WDR33: variants seen among roughly 807,000 people sequenced by gnomAD.
The protein encoded by WDR33 is WD repeat domain 33.
Under a neutral mutation model 164.9 loss-of-function variants are expected in WDR33, and 47 were observed. That is an observed-to-expected ratio of 0.29 (90% CI 0.23 to 0.36). WDR33 has a LOEUF of 0.36. Among genes scored for constraint, WDR33 ranks in the 10% least tolerant of loss-of-function variants. The pLI, the probability that WDR33 is intolerant of heterozygous loss-of-function variation, is 1.00. For missense variants in WDR33, 1,137 were observed against 1,754.1 expected (o/e 0.65, Z 6.28); for synonymous variants, 505 against 589.0 (o/e 0.86, Z 2.06).
chr2:127,714,605 G>A lies in WDR33; in HGVS notation c.2870-584C>T, dbSNP rs1573880707. On this transcript the variant is annotated intron_variant, in intron 17 of 21. Coordinates refer to ENST00000322313, the MANE Select transcript of WDR33 (RefSeq NM_018383.5). This position sits in a 1 kb window ranked among gnomAD's most constrained non-coding sequence, Gnocchi z 4.3. ...AGCCCTGCTGGGCTTCAGTGTCGGG[G>A]TTTTCTGCACCTCTCTATGGATGTT... 6.6e-6 allele frequency among the ~76,000 whole-genome samples: 1 copy of A among 152,154 alleles called. No individual in the cohort carries two copies. Among genetic ancestry groups the A allele is most frequent in the Admixed American group, 6.5e-5 (1 of 15,280 alleles).
At chr2:127,776,216 G>A (rs1325643710) in intron 1 of WDR33, among the ~76,000 whole-genome samples, 1 of 152,196 alleles carries the variant, frequency 6.6e-6, no homozygotes, top group Non-Finnish European at 1.5e-5. Context: ...TGAGGACAGA[G>A]AGAGAAGACA....
Position 127,701,493 on chromosome 2 carries a change from C to T in WDR33, c.*4830G>A, listed in dbSNP as rs1013428883. The T allele has an allele frequency of 4.7e-6, 6 of 1,273,316 alleles. No homozygotes were observed. Among genetic ancestry groups the T allele is most frequent in the Non-Finnish European group, 6.0e-6 (6 of 1,006,684 alleles). 78.9% of individuals were successfully genotyped at this position (1,273,316 alleles called of 1,614,324 possible). ...GCTTCAGCGGAGGGCCGGAAGTGAGCCGCAGCTTTTCCTTTCTGCCACCGC... is the reference window on the plus strand; with the variant it reads ...GCTTCAGCGGAGGGCCGGAAGTGAGTCGCAGCTTTTCCTTTCTGCCACCGC... On this transcript the variant is annotated 3_prime_UTR_variant, in exon 22 of 22. Coordinates refer to ENST00000322313, the MANE Select transcript of WDR33 (RefSeq NM_018383.5).
chr2:127,706,456 G>C lies in WDR33; in HGVS notation c.3878C>G (p.Pro1293Arg). ...GCCACTGCCTGGAGGGCCCCCAAAAGGTTCATCTCTGTGGTATCCATCGTG... is the reference window on the plus strand; with the variant it reads ...GCCACTGCCTGGAGGGCCCCCAAAACGTTCATCTCTGTGGTATCCATCGTG... ...EHHDGYHRDE[P>R]FGGPPGSGTP... is the part of the protein sequence containing the mutation. Residue 1293 changes from proline to arginine, a missense_variant, in exon 22 of 22, where the codon CCT (proline) becomes CGT (arginine). Physicochemically the swap from Pro to Arg is moderately radical, Grantham distance 103 (BLOSUM62 -2). Transcript: ENST00000322313. This position sits in a 1 kb window ranked among gnomAD's most constrained non-coding sequence, Gnocchi z 5.1. 1.2e-6 allele frequency: 2 copies of C among 1,613,374 alleles called. No individual in the cohort carries two copies. Among genetic ancestry groups the C allele is most frequent in the Non-Finnish European group, 1.7e-6 (2 of 1,179,710 alleles).
chr2:127,768,857 G>T, intron 3 of WDR33, 76 bp downstream of exon 3: 1 of 1,082,154 alleles, frequency 9.2e-7, no homozygotes, highest in Non-Finnish European at 1.4e-6. Context: ...TTTTGGACTT[G>T]AAGTCACACA....
intron 7 of WDR33, among the ~76,000 whole-genome samples, chr2:127,750,183 C>A (rs1020640824): frequency 6.6e-6 from 1 of 152,018 alleles, no homozygotes; most frequent in African/African-American, 2.4e-5. Flanking sequence ...CGCCACCACA[C>A]CCAGTTAACT....
At chr2:127,711,749 C>CAGAT (rs1553471002) in intron 18 of WDR33, among the ~76,000 whole-genome samples, 4 of 79,796 alleles carry the variant, frequency 5.0e-5, no homozygotes, top group African/African-American at 3.3e-4. Flanking sequence ...ACCACATATA[C>CAGAT]AGATATATAT....
At chr2:127,711,850 G>A (rs1397158842) in intron 18 of WDR33, among the ~76,000 whole-genome samples, 2 of 145,814 alleles carry the variant, frequency 1.4e-5, no homozygotes. Flanking sequence ...TTGGCTCACT[G>A]CTATCTCTGC....
chr2:127,783,673 C>T (rs1218654554), intron 1 of WDR33, among the ~76,000 whole-genome samples: 4 of 128,150 alleles, frequency 3.1e-5, no homozygotes, highest in East Asian at 2.2e-4. Flanking sequence ...GGTGTGATCT[C>T]GGCTCACTGC....
chr2:127,725,086 G>A lies in WDR33; in HGVS notation c.981C>T (p.Phe327=), dbSNP rs1686533357. The change falls in exon 9 of 22, where the codon TTC becomes TTT. Residue 327 remains phenylalanine (F), a synonymous_variant. Coordinates refer to ENST00000322313, the MANE Select transcript of WDR33 (RefSeq NM_018383.5). ...CTGTGGCTTCTTTCTTATGACCTCG[G>A]AAGACTTGAAGCTCTTCTTTTAGGT... ...IRNLKEELQV[F]RGHKKEATAV... 2 of 1,613,662 alleles carry A rather than the reference G, an allele frequency of 1.2e-6. No individual in the cohort carries two copies. The highest frequency in any genetic ancestry group is 1.7e-6 in the Non-Finnish European group (2 of 1,179,930).
chr2:127,740,705 G>C (rs576631708), intron 7 of WDR33, among the ~76,000 whole-genome samples: 1 of 152,178 alleles, frequency 6.6e-6, no homozygotes, highest in African/African-American at 2.4e-5. Context: ...TGGAACTTGG[G>C]AGAATATCAG....
intron 7 of WDR33, among the ~76,000 whole-genome samples, chr2:127,751,571 T>A (rs1687364362): frequency 6.6e-6 from 1 of 151,694 alleles, no homozygotes; most frequent in Admixed American, 6.6e-5. Flanking sequence ...TAATAAATTT[T>A]AAAATCAGAA....
intron 7 of WDR33, among the ~76,000 whole-genome samples, chr2:127,754,479 C>T (rs1303935945): frequency 6.6e-6 from 1 of 152,058 alleles, no homozygotes; most frequent in Admixed American, 6.6e-5. Flanking sequence ...AGTGCAGTGG[C>T]GCGATCTCGG....
chr2:127,739,423 T>C (rs1686951435), intron 7 of WDR33, among the ~76,000 whole-genome samples: 1 of 152,246 alleles, frequency 6.6e-6, no homozygotes, highest in Non-Finnish European at 1.5e-5. Context: ...CAGTTACATT[T>C]GGAATCAAGA....
In WDR33 at chr2:127,718,624, C is replaced by T. The variant is rs1686351255; in HGVS notation, c.2760+641G>A. 6.6e-6 allele frequency among the ~76,000 whole-genome samples: 1 copy of T among 152,158 alleles called. No individual in the cohort carries two copies. The highest frequency in any genetic ancestry group is 1.5e-5 in the Non-Finnish European group (1 of 68,032). On this transcript the variant is annotated intron_variant, in intron 16 of 21. Coordinates refer to ENST00000322313, the MANE Select transcript of WDR33 (RefSeq NM_018383.5). This position sits in a 1 kb window ranked among gnomAD's most constrained non-coding sequence, Gnocchi z 4.4. The stretch of plus-strand genomic sequence containing the variant: ...GAGAATTTCTACAGAAATGCTCCCC[C>T]CTGCAAATACTTTTATATGTGAGCT...
intron 7 of WDR33, among the ~76,000 whole-genome samples, chr2:127,745,213 A>G (rs141002763): frequency 1.2e-4 from 18 of 152,324 alleles, no homozygotes; most frequent in Admixed American, 4.6e-4. Flanking sequence ...TGTACGACCC[A>G]GAGTTTATTT....
At position 127,709,374 on chromosome 2, in the gene WDR33, C is replaced by T; in HGVS notation, c.3565+116G>A. ...GGCTGCAGGACAGGAGACAGCCCAG[C>T]CCCCCGGGAGACATGAGCTGGAAAG... is the stretch of plus-strand genomic sequence containing the variant. On this transcript the variant is annotated intron_variant, in intron 20 of 21. Coordinates refer to ENST00000322313, the MANE Select transcript of WDR33 (RefSeq NM_018383.5). The surrounding 1 kb of genome is among the most constrained non-coding windows in gnomAD (Gnocchi z 5.0). The T allele has an allele frequency of 3.1e-6, 3 of 982,362 alleles. No individual in the cohort carries two copies. Among genetic ancestry groups the T allele is most frequent in the East Asian group, 2.4e-5 (1 of 41,460 alleles). 60.9% of individuals were successfully genotyped at this position (982,362 alleles called of 1,614,324 possible). A position where few individuals can be genotyped will look rare whatever the true frequency, so the allele number is the denominator to read the frequency against.
Position 127,708,670 on chromosome 2 carries a change from C to A in WDR33, c.3781+7G>T. ...TCCTGGAACCATAACCACTGGCCTG[C>A]TCTTACCTTTGCCTCCTCGGTCTTC... On this transcript the variant is annotated splice_region_variant and intron_variant, in intron 21 of 21. Transcript: ENST00000322313. This position sits in a 1 kb window ranked among gnomAD's most constrained non-coding sequence, Gnocchi z 6.7. 6.3e-7 allele frequency: 1 copy of A among 1,595,434 alleles called. No individual in the cohort carries two copies. Among genetic ancestry groups the A allele is most frequent in the Non-Finnish European group, 8.5e-7 (1 of 1,169,780 alleles).
intron 7 of WDR33, chr2:127,736,771 A>G: frequency 1.0e-6 from 1 of 985,342 alleles, no homozygotes; most frequent in African/African-American, 1.7e-5. Flanking sequence ...CTAATTTTTG[A>G]GTCAAATAAA....
Position 127,710,778 on chromosome 2 carries a change from T to TG in WDR33, c.3309-923dup, listed in dbSNP as rs1164420432. Among the ~76,000 whole-genome samples the TG allele has an allele frequency of 1.3e-5, 2 of 152,224 alleles. No individual in the cohort carries two copies. The highest frequency in any genetic ancestry group is 2.9e-5 in the Non-Finnish European group (2 of 68,042). On this transcript the variant is annotated intron_variant, in intron 18 of 21. Transcript: ENST00000322313. The surrounding 1 kb of genome is among the most constrained non-coding windows in gnomAD (Gnocchi z 4.4). ...ATGGCCTCCTCCCAGGCCAGGCCTCTGCTCTTCCTCAGGTTTCCATTCCAT... is the reference window on the plus strand; with the variant it reads ...ATGGCCTCCTCCCAGGCCAGGCCTCTGGCTCTTCCTCAGGTTTCCATTCCAT...
Sources: gnomAD v4.1 joint callset for allele counts (sites outside exome capture counted in the v4.1 genomes callset) on GRCh38, gnomAD v4.1.1 for gene constraint, Gnocchi (gnomAD v3.1) non-coding constraint, MANE v1.5 for transcripts, NCBI Gene and HGNC (gene_info 2026-07-23, HGNC 2026-07-21) for gene names.